CLCNKB: variants seen among roughly 807,000 people sequenced by gnomAD.
CLCNKB encodes chloride voltage-gated channel Kb.
CLCNKB carries 74 observed loss-of-function variants against 83.8 expected under a neutral mutation model. The observed-to-expected ratio is 0.88, with a 90% confidence interval of 0.73 to 1.07. The LOEUF is 1.07. Ranked by LOEUF, CLCNKB falls within the 50% of genes least tolerant of loss-of-function variation. The pLI, the probability that CLCNKB is intolerant of heterozygous loss-of-function variation, is 0.00. For synonymous variants in CLCNKB, 358 were observed against 356.6 expected (o/e 1.00, Z -0.04); for missense variants, 798 against 893.6 (o/e 0.89, Z 1.36).
At chr1:16,048,974 G>A (rs1287031530) in intron 7 of CLCNKB, 146 bp from the exon 8 acceptor site, 2 of 1,559,676 alleles carry the variant, frequency 1.3e-6, no homozygotes, top group Non-Finnish European at 1.7e-6. Context: ...CAGGGCGCAT[G>A]CCCTGCCCTC....
intron 15 of CLCNKB, 130 bp downstream of exon 15, chr1:16,052,541 C>G: frequency 8.0e-7 from 1 of 1,253,382 alleles, no homozygotes; most frequent in East Asian, 2.5e-5. Context: ...CACAGCTGTG[C>G]TCTGTTCTCC....
rs146065185 is a variant in CLCNKB, at chr1:16,050,120, A to G, written c.968+204A>G. 3.0e-3 allele frequency among the ~76,000 whole-genome samples: 433 copies of G among 142,776 alleles called. 3 individuals are homozygous for G. Among genetic ancestry groups the G allele is most frequent in the African/African-American group, 0.01 (395 of 37,754 alleles). 93.7% of individuals were successfully genotyped at this position (142,776 alleles called of 152,430 possible). A position where few individuals can be genotyped will look rare whatever the true frequency, so the allele number is the denominator to read the frequency against. On this transcript the variant is annotated intron_variant, in intron 10 of 19. Transcript: ENST00000375679. ...TACTGGCCTCAAACCTCCCCATTTA[A>G]CCCCCATATCTCCTGGAGTCTATAC...
chr1:16,047,328 C>T (rs9442226), intron 4 of CLCNKB, among the ~76,000 whole-genome samples: 22,637 of 151,994 alleles, frequency 0.15, 1,892 homozygotes, highest in East Asian at 0.28. Context: ...GCCCGTGGTC[C>T]GAGCTACTCA....
chr1:16,045,442 A>G, intron 2 of CLCNKB, 116 bp from the exon 3 acceptor site: 11 of 1,301,432 alleles, frequency 8.5e-6, no homozygotes, highest in Non-Finnish European at 1.1e-5. Context: ...AGAGTATACC[A>G]CCAAGCTCCA....
Position 16,046,638 on chromosome 1 carries a change from T to C in CLCNKB, c.333T>C (p.Ser111=), listed in dbSNP as rs1253285377. 2.2e-5 allele frequency: 36 copies of C among 1,613,982 alleles called. No homozygotes were observed. Among genetic ancestry groups the C allele is most frequent in the Non-Finnish European group, 2.9e-5 (34 of 1,180,004 alleles). The change falls in exon 4 of 20, where the codon TCT becomes TCC. Residue 111 remains serine (S), a synonymous_variant. Transcript: ENST00000375679. ...VALVSFSSGF[S]QSITPSSGGS... ...TCGTCTCTTTCTCTTCAGGCTTCTCTCAGAGCATCACACCCTCCTCTGGAG... is the reference window on the plus strand; with the variant it reads ...TCGTCTCTTTCTCTTCAGGCTTCTCCCAGAGCATCACACCCTCCTCTGGAG...
Position 16,047,918 on chromosome 1 carries a change from G to A in CLCNKB, c.372G>A (p.Pro124=), listed in dbSNP as rs200464534. 1.4e-5 allele frequency: 23 copies of A among 1,613,656 alleles called. No homozygotes were observed. The highest frequency in any genetic ancestry group is 1.7e-4 in the Middle Eastern group (1 of 5,804). The change falls in exon 5 of 20, where the codon CCG becomes CCA. Residue 124 remains proline (P), a synonymous_variant. Coordinates refer to ENST00000375679, the MANE Select transcript of CLCNKB (RefSeq NM_000085.5). ...ITPSSGGSGI[P]EVKTMLAGVV... is the part of the protein sequence containing the mutation. ...ACCCCCGCCAAGGTTCTGGAATCCC[G>A]GAGGTGAAGACCATGTTGGCGGGTG...
intron 8 of CLCNKB, among the ~76,000 whole-genome samples, 159 bp from the exon 9 acceptor site, chr1:16,049,459 G>C (rs2023212415): frequency 6.6e-6 from 1 of 152,146 alleles, no homozygotes; most frequent in African/African-American, 2.4e-5. Flanking sequence ...GATGAGGCTG[G>C]GCAGGGAGGC....
Position 16,050,736 on chromosome 1 carries a change from C to T in CLCNKB, c.1053+136C>T, listed in dbSNP as rs549793997. ...TATTTTATAGATGATACTACAGCTT[C>T]GGGAGGTCAGAGCCCTGCCCAAGGC... On this transcript the variant is annotated intron_variant, in intron 11 of 19. Transcript: ENST00000375679. 832 of 1,477,760 alleles carry T rather than the reference C, an allele frequency of 5.6e-4. 6 individuals carry two copies. The African/African-American group carries it at 5.8e-3, about 10-fold the overall frequency. 91.5% of individuals were successfully genotyped at this position (1,477,760 alleles called of 1,614,324 possible).
chr1:16,050,737 G>A (rs935036505), intron 11 of CLCNKB, 137 bp downstream of exon 11: 11 of 1,488,614 alleles, frequency 7.4e-6, no homozygotes, highest in East Asian at 2.4e-5. Context: ...CTACAGCTTC[G>A]GGAGGTCAGA....
rs1570337908 is a variant in CLCNKB at position 16,050,738 on chromosome 1, G to A, written c.1054-137G>A. 6 of 1,491,512 alleles carry A rather than the reference G, an allele frequency of 4.0e-6. No homozygotes were observed. The Admixed American group carries it at 9.3e-5, about 23-fold the overall frequency. The allele number at this position is 1,491,512 out of a possible 1,614,324, so 92.4% of individuals were successfully genotyped here. A position where few individuals can be genotyped will look rare whatever the true frequency, so the allele number is the denominator to read the frequency against. ...TTTTATAGATGATACTACAGCTTCG[G>A]GAGGTCAGAGCCCTGCCCAAGGCCC... On this transcript the variant is annotated intron_variant, in intron 11 of 19. Coordinates refer to ENST00000375679, the MANE Select transcript of CLCNKB (RefSeq NM_000085.5).
chr1:16,054,549 A>G (rs2023386083), intron 16 of CLCNKB, among the ~76,000 whole-genome samples: 1 of 152,168 alleles, frequency 6.6e-6, no homozygotes, highest in Admixed American at 6.5e-5. Context: ...GAAAGTAGGG[A>G]TCAAGAGAGT....
rs1557466807 is a variant in CLCNKB at position 16,046,637 on chromosome 1, C to A, written c.332C>A (p.Ser111Tyr). ...VALVSFSSGF[S>Y]QSITPSSGGS... ...CTCGTCTCTTTCTCTTCAGGCTTCT[C>A]TCAGAGCATCACACCCTCCTCTGGA... The change falls in exon 4 of 20, where the codon TCT becomes TAT. Residue 111 changes from serine to tyrosine, a missense_variant. Physicochemically the swap from Ser to Tyr is moderately radical, Grantham distance 144. Transcript: ENST00000375679. 1 of 1,614,170 alleles carries A rather than the reference C, an allele frequency of 6.2e-7. No homozygotes were observed. Among genetic ancestry groups the A allele is most frequent in the East Asian group, 2.2e-5 (1 of 44,878 alleles).
intron 15 of CLCNKB, 35 bp from the exon 16 acceptor site, chr1:16,053,604 A>G: frequency 6.2e-7 from 1 of 1,613,588 alleles, no homozygotes; most frequent in South Asian, 1.1e-5. Flanking sequence ...CACATCCCTG[A>G]CTGTGGGGCC....
chr1:16,048,341 A>G lies in CLCNKB; in HGVS notation c.499-2A>G. On this transcript the variant is annotated splice_acceptor_variant, in intron 5 of 19. Coordinates refer to ENST00000375679, the MANE Select transcript of CLCNKB (RefSeq NM_000085.5). LOFTEE classifies it high-confidence loss of function. Reference sequence around the variant, plus strand: ...GCCCTGGGCCCACCCTTCTCTCTGCAGGGCCCTTTCGTGCACCTGTCTGTG... The same window carrying G: ...GCCCTGGGCCCACCCTTCTCTCTGCGGGGCCCTTTCGTGCACCTGTCTGTG... 6.2e-7 allele frequency: 1 copy of G among 1,613,884 alleles called. No individual in the cohort carries two copies. Among genetic ancestry groups the G allele is most frequent in the Non-Finnish European group, 8.5e-7 (1 of 1,180,000 alleles).
intron 4 of CLCNKB, 136 bp from the exon 5 acceptor site, chr1:16,047,769 C>G (rs2023142136): frequency 9.3e-7 from 1 of 1,071,108 alleles, no homozygotes; most frequent in Non-Finnish European, 1.4e-6. Flanking sequence ...ATCTTGTCCC[C>G]AAAGGAAAAT....
chr1:16,048,029 C>T lies in CLCNKB; in HGVS notation c.483C>T (p.Leu161=). ...GCACCCTGGCCTGTGGCAGCACCCT[C>T]TTCCTCGGGAAAGTGGTATGGGCAG... is the stretch of plus-strand genomic sequence containing the variant. ...LSCTLACGST[L]FLGKVGPFVH... The change falls in exon 5 of 20, where the codon CTC becomes CTT. Residue 161 remains leucine (L), a synonymous_variant. Transcript: ENST00000375679. The T allele has an allele frequency of 6.2e-7, 1 of 1,613,932 alleles. No individual in the cohort carries two copies. The highest frequency in any genetic ancestry group is 8.5e-7 in the Non-Finnish European group (1 of 1,179,942).
intron 13 of CLCNKB, 78 bp downstream of exon 13, chr1:16,051,625 G>T (rs2023295871): frequency 3.7e-6 from 6 of 1,606,452 alleles, no homozygotes; most frequent in Non-Finnish European, 1.7e-6. Flanking sequence ...ACCCTCCCCA[G>T]GTTGTACTGA....
chr1:16,051,633 T>G (rs538627837), intron 13 of CLCNKB, 77 bp from the exon 14 acceptor site: 2 of 1,605,178 alleles, frequency 1.2e-6, no homozygotes, highest in East Asian at 4.5e-5. Flanking sequence ...CAGGTTGTAC[T>G]GAGGACGGTC....
chr1:16,045,120 GCCAGGAGCATTGCTGGGGAC>G (rs1342191433), intron 2 of CLCNKB, among the ~76,000 whole-genome samples: 2 of 152,172 alleles, frequency 1.3e-5, no homozygotes, highest in African/African-American at 4.8e-5. Context: ...CAGCCAGTGG[GCCAGGAGCATTGCTGGGGAC>G]CCAGAGGATA....
Sources: gnomAD v4.1 joint callset for allele counts (sites outside exome capture counted in the v4.1 genomes callset) on GRCh38, gnomAD v4.1.1 for gene constraint, MANE v1.5 for transcripts, NCBI Gene and HGNC (gene_info 2026-07-23, HGNC 2026-07-21) for gene names.